EYS: variants seen among roughly 807,000 people sequenced by gnomAD.
EYS encodes protein eyes shut homolog.
EYS carries 250 observed loss-of-function variants against 282.1 expected under a neutral mutation model. The ratio of observed to expected loss-of-function variants is 0.89; its 90% CI spans 0.80 to 0.98. EYS has a LOEUF of 0.98. Among genes scored for constraint, EYS ranks in the 50% least tolerant of loss-of-function variants. The pLI is 0.00. For synonymous variants in EYS, 1,355 were observed against 1,282.9 expected (o/e 1.06, Z -1.20); for missense variants, 4,016 against 3,709.0 (o/e 1.08, Z -2.15).
chr6:64,528,919 T>C (rs193291964), intron 26 of EYS, among the ~76,000 whole-genome samples: 1 of 152,164 alleles, frequency 6.6e-6, no homozygotes, highest in Admixed American at 6.5e-5. Flanking sequence ...ATATGGAAAT[T>C]TGTGTTAAAC....
At chr6:63,999,846 T>C (rs1767997524) in intron 33 of EYS, among the ~76,000 whole-genome samples, 1 of 152,208 alleles carries the variant, frequency 6.6e-6, no homozygotes, top group African/African-American at 2.4e-5. Flanking sequence ...AAGGTACATA[T>C]ACTAAGGTAC....
At chr6:64,960,390 C>A (rs1450065907) in intron 14 of EYS, among the ~76,000 whole-genome samples, 1 of 152,000 alleles carries the variant, frequency 6.6e-6, no homozygotes, top group Non-Finnish European at 1.5e-5. Flanking sequence ...AAGGATTTTT[C>A]CTTTTACCTT....
At chr6:65,411,241 A>AT (rs1318620033) in intron 5 of EYS, among the ~76,000 whole-genome samples, 1 of 152,064 alleles carries the variant, frequency 6.6e-6, no homozygotes, top group East Asian at 1.9e-4. Context: ...AAACAAATGC[A>AT]TTTTATTTGG....
intron 12 of EYS, among the ~76,000 whole-genome samples, chr6:65,171,102 G>C (rs935612019): frequency 4.6e-5 from 7 of 151,478 alleles, no homozygotes; most frequent in African/African-American, 1.7e-4. Context: ...ATAAGGCAGT[G>C]TACTAATTAT....
At chr6:65,187,472 G>T (rs921572861) in intron 12 of EYS, among the ~76,000 whole-genome samples, 13 of 151,694 alleles carry the variant, frequency 8.6e-5, no homozygotes, top group Non-Finnish European at 1.6e-4. Context: ...GAATGGGAAA[G>T]AAAATAATAG....
chr6:63,753,140 GTA>G (rs33925107), intron 41 of EYS, among the ~76,000 whole-genome samples: 69,933 of 135,512 alleles, frequency 0.52, 18,024 homozygotes, highest in East Asian at 0.6. Flanking sequence ...GTGTGTGTGT[GTA>G]TATATATATA....
intron 12 of EYS, among the ~76,000 whole-genome samples, chr6:65,127,956 C>T (rs1775767525): frequency 6.6e-6 from 1 of 151,978 alleles, no homozygotes; most frequent in African/African-American, 2.4e-5. Context: ...AGACAGACAT[C>T]TAGTTTTAAT....
chr6:65,548,787 GATACAA>G (rs1768489759), intron 2 of EYS, among the ~76,000 whole-genome samples: 2 of 152,258 alleles, frequency 1.3e-5, no homozygotes, highest in Non-Finnish European at 2.9e-5. Flanking sequence ...GCATTCTCTG[GATACAA>G]ATACACAGAC....
intron 12 of EYS, among the ~76,000 whole-genome samples, chr6:65,170,813 C>T (rs572074396): frequency 6.6e-6 from 1 of 151,522 alleles, no homozygotes; most frequent in African/African-American, 2.4e-5. Flanking sequence ...CAACAAAAAT[C>T]ATCATAAATT....
intron 33 of EYS, among the ~76,000 whole-genome samples, chr6:64,041,085 C>CTA (rs1770367494): frequency 6.6e-6 from 1 of 151,990 alleles, no homozygotes; most frequent in African/African-American, 2.4e-5. Flanking sequence ...TTTAGATGAC[C>CTA]TATACCTTTA....
At chr6:65,499,535 T>C (rs977969483) in intron 2 of EYS, among the ~76,000 whole-genome samples, 15 of 152,032 alleles carry the variant, frequency 9.9e-5, no homozygotes, top group African/African-American at 3.4e-4. Flanking sequence ...TTTATTTGTA[T>C]AAATTATACA....
At chr6:65,503,358 TA>T (rs1766531975) in intron 2 of EYS, among the ~76,000 whole-genome samples, 1 of 151,724 alleles carries the variant, frequency 6.6e-6, no homozygotes, top group Non-Finnish European at 1.5e-5. Flanking sequence ...TACATTTGGA[TA>T]AAAATCCTTT....
intron 1 of EYS, among the ~76,000 whole-genome samples, chr6:65,690,036 C>T (rs1769184307): frequency 6.7e-6 from 1 of 149,906 alleles, no homozygotes; most frequent in African/African-American, 2.4e-5. Context: ...AGGGTCATTT[C>T]ATTATGAGGT....
At chr6:64,078,353 C>A (rs1478703278) in intron 32 of EYS, among the ~76,000 whole-genome samples, 1 of 152,000 alleles carries the variant, frequency 6.6e-6, no homozygotes, top group Admixed American at 6.6e-5. Context: ...ACATAATATA[C>A]TGATTTCAAA....
At chr6:64,807,876 G>A (rs1383888227) in intron 22 of EYS, among the ~76,000 whole-genome samples, 3 of 152,006 alleles carry the variant, frequency 2.0e-5, no homozygotes, top group Non-Finnish European at 4.4e-5. Flanking sequence ...TACTGCCTAT[G>A]TATTTGTCCA....
intron 33 of EYS, among the ~76,000 whole-genome samples, chr6:64,050,697 C>T (rs1342472588): frequency 6.6e-6 from 1 of 152,182 alleles, no homozygotes; most frequent in Non-Finnish European, 1.5e-5. Context: ...GCTGCTCTCT[C>T]AGCTAGGGGT....
At chr6:63,806,902 TTTTC>T (rs1315675859) in intron 36 of EYS, 1 of 152,210 alleles carries the variant, frequency 6.6e-6, no homozygotes, top group Non-Finnish European at 1.5e-5. Context: ...TGACCAGAGC[TTTTC>T]TTTAAGTAAA....
chr6:64,811,186 A>G (rs1764579616), intron 22 of EYS, among the ~76,000 whole-genome samples: 2 of 152,030 alleles, frequency 1.3e-5, no homozygotes, highest in African/African-American at 4.8e-5. Context: ...GACTTCTCAT[A>G]GTGTAGCGTG....
At chr6:63,975,351 A>C (rs1294348083) in intron 35 of EYS, among the ~76,000 whole-genome samples, 1 of 152,006 alleles carries the variant, frequency 6.6e-6, no homozygotes, top group Non-Finnish European at 1.5e-5. Flanking sequence ...CATAGTATAA[A>C]AGAAGGGACA....
Sources: allele counts gnomAD v4.1 joint callset (sites outside exome capture counted in the v4.1 genomes callset), GRCh38; gene constraint gnomAD v4.1.1; transcripts MANE v1.5; gene names NCBI Gene and HGNC (gene_info 2026-07-23, HGNC 2026-07-21).